Variants in CCDC34 observed in about 807,000 individuals in gnomAD.
CCDC34 encodes coiled-coil domain containing 34.
A neutral mutation model predicts 44.1 loss-of-function variants in CCDC34; 40 were observed. The observed-to-expected ratio is 0.91, with a 90% CI of 0.70 to 1.18. The LOEUF (loss-of-function observed/expected upper bound fraction) is 1.18, where lower values mean the gene tolerates loss of function less well. Ranked by LOEUF, CCDC34 falls within the 50% of genes most tolerant of loss-of-function variation. The probability of loss-of-function intolerance (pLI) is 0.00; values close to 1 mark genes in which losing one functional copy is unlikely to be tolerated. For missense variants in CCDC34, 466 were observed against 452.3 expected (o/e 1.03, Z -0.28); for synonymous variants, 159 against 158.2 (o/e 1.01, Z -0.04).
At chr11:27,350,908 A>C (rs1423868778) in intron 2 of CCDC34, among the ~76,000 whole-genome samples, 2 of 152,226 alleles carry the variant, frequency 1.3e-5, no homozygotes, top group Non-Finnish European at 2.9e-5. Context: ...GAAACCATTC[A>C]ATTTTCCTTA....
chr11:27,352,281 G>T (rs917560758), intron 2 of CCDC34, among the ~76,000 whole-genome samples: 4 of 151,984 alleles, frequency 2.6e-5, no homozygotes, highest in African/African-American at 7.3e-5. Context: ...TACTGGGGAG[G>T]CTGAGGCCGG....
Position 27,362,915 on chromosome 11 carries a change from C to T in CCDC34, c.280G>A (p.Glu94Lys). 6.3e-7 allele frequency: 1 copy of T among 1,592,106 alleles called. No homozygotes were observed. The highest frequency in any genetic ancestry group is 8.5e-7 in the Non-Finnish European group (1 of 1,175,064). ...GEDEEDVDDE[E>K]DVDEDAHDSE... Reference sequence around the variant, plus strand: ...TCATGGGCATCTTCATCCACGTCTTCCTCATCATCCACGTCTTCCTCATCC... The same window carrying T: ...TCATGGGCATCTTCATCCACGTCTTTCTCATCATCCACGTCTTCCTCATCC... The change falls in exon 1 of 6, where the codon GAA becomes AAA. Residue 94 changes from glutamate (E) to lysine (K), a missense_variant. Glu to Lys is a moderately conservative substitution (Grantham distance 56, BLOSUM62 1). Coordinates refer to ENST00000328697, the MANE Select transcript of CCDC34 (RefSeq NM_030771.2).
At chr11:27,346,484 AAGGAAG>A (rs1367567366) in intron 3 of CCDC34, among the ~76,000 whole-genome samples, 66 of 139,380 alleles carry the variant, frequency 4.7e-4, no homozygotes, top group African/African-American at 1.7e-3. Flanking sequence ...AGAAGGAAGG[AAGGAAG>A]GAAGGAAGGA....
At chr11:27,360,600 C>T (rs1450324464) in intron 1 of CCDC34, among the ~76,000 whole-genome samples, 1 of 152,160 alleles carries the variant, frequency 6.6e-6, no homozygotes, top group Non-Finnish European at 1.5e-5. Flanking sequence ...GTTGCCTGCT[C>T]TCTTCATCCT....
intron 3 of CCDC34, among the ~76,000 whole-genome samples, chr11:27,344,636 C>T (rs1382692169): frequency 1.3e-5 from 2 of 151,660 alleles, no homozygotes; most frequent in African/African-American, 2.4e-5. Context: ...TAACAAAATA[C>T]TGCTATACAT....
At chr11:27,340,007 T>G (rs1379981620) in intron 5 of CCDC34, among the ~76,000 whole-genome samples, 3 of 152,246 alleles carry the variant, frequency 2.0e-5, no homozygotes, top group Non-Finnish European at 4.4e-5. Flanking sequence ...AGAGGCCTAA[T>G]CCTGACAGCA....
rs367774299 is a variant in CCDC34, at chr11:27,340,785, T to C, written c.818A>G (p.Glu273Gly). The C allele has an allele frequency of 7.0e-5, 113 of 1,613,738 alleles. No individual in the cohort carries two copies. The highest frequency in any genetic ancestry group is 9.0e-5 in the Non-Finnish European group (106 of 1,179,858). ...TTCCAACCATTCTTGAAACTTTTTT[T>C]CTGCTATTTCCTTTTTCTCCTGTAT... ...AEIQEKKEIA[E>G]KKFQEWLENA... The change falls in exon 5 of 6, where the codon GAA becomes GGA. Residue 273 changes from glutamate (E) to glycine (G), a missense_variant. Coordinates refer to ENST00000328697, the MANE Select transcript of CCDC34 (RefSeq NM_030771.2).
At chr11:27,354,010 T>C (rs1229170322) in intron 2 of CCDC34, among the ~76,000 whole-genome samples, 1 of 152,120 alleles carries the variant, frequency 6.6e-6, no homozygotes, top group Admixed American at 6.5e-5. Flanking sequence ...ATAAACAAAT[T>C]AGGGATACAG....
intron 3 of CCDC34, among the ~76,000 whole-genome samples, chr11:27,343,460 T>G (rs1352630067): frequency 6.6e-6 from 1 of 152,104 alleles, no homozygotes; most frequent in Non-Finnish European, 1.5e-5. Flanking sequence ...AAAGTTGCTG[T>G]ATTTCCTTCT....
chr11:27,352,243 T>G (rs1040594118), intron 2 of CCDC34, among the ~76,000 whole-genome samples: 10 of 151,844 alleles, frequency 6.6e-5, no homozygotes, highest in African/African-American at 1.9e-4. Context: ...ATTAGCCAGG[T>G]GTGGTGGCAG....
intron 3 of CCDC34, among the ~76,000 whole-genome samples, chr11:27,348,692 G>C: frequency 6.6e-6 from 1 of 151,084 alleles, no homozygotes; most frequent in African/African-American, 2.4e-5. Flanking sequence ...AATGTAAACA[G>C]AGGAGAAAAA....
rs1295095125 is a variant in CCDC34 at position 27,350,574 on chromosome 11, A to G, written c.499-135T>C. 1.5e-5 allele frequency: 11 copies of G among 741,716 alleles called. No individual in the cohort carries two copies. In the South Asian group the frequency reaches 1.9e-4, roughly 13 times the overall value. 45.9% of individuals were successfully genotyped at this position (741,716 alleles called of 1,614,324 possible). On this transcript the variant is annotated intron_variant, in intron 2 of 5. Transcript: ENST00000328697. Reference sequence around the variant, plus strand: ...TATGGAGCATATGCCACTAGTGGCAATAACTTACTTAAGTAACCAGTCTAT... The same window carrying G: ...TATGGAGCATATGCCACTAGTGGCAGTAACTTACTTAAGTAACCAGTCTAT...
At chr11:27,356,572 T>A (rs1260057572) in intron 2 of CCDC34, among the ~76,000 whole-genome samples, 2 of 151,856 alleles carry the variant, frequency 1.3e-5, no homozygotes, top group African/African-American at 4.8e-5. Flanking sequence ...AGAATTCAGA[T>A]AGTCTAGATA....
intron 1 of CCDC34, among the ~76,000 whole-genome samples, chr11:27,360,813 C>A (rs1862652243): frequency 6.6e-6 from 1 of 152,218 alleles, no homozygotes; most frequent in Non-Finnish European, 1.5e-5. Context: ...CTTTTTATAA[C>A]ACAAAGTGCT....
intron 1 of CCDC34, among the ~76,000 whole-genome samples, chr11:27,359,644 ACGCCCAGC>A: frequency 6.6e-6 from 1 of 152,250 alleles, no homozygotes; most frequent in Admixed American, 6.5e-5. Context: ...GCCCGCCACT[ACGCCCAGC>A]TAAGCTATGT....
At chr11:27,343,630 C>G (rs1276554626) in intron 3 of CCDC34, among the ~76,000 whole-genome samples, 1 of 152,194 alleles carries the variant, frequency 6.6e-6, no homozygotes, top group Non-Finnish European at 1.5e-5. Context: ...TGACTCATGA[C>G]TGTCCTCCAC....
intron 3 of CCDC34, chr11:27,349,426 T>G: frequency 1.2e-6 from 1 of 831,732 alleles, no homozygotes; most frequent in Non-Finnish European, 1.4e-6. Flanking sequence ...TTCAATTTAC[T>G]GAAATTATTT....
At position 27,338,824 on chromosome 11, in the gene CCDC34, T is replaced by C; in HGVS notation, c.1119A>G (p.Arg373=). ...LCLGTLCRIQ[R] ...AGCATGTTATTTTCCACATACGCTA[T>C]CTTTGTATTCTGCACAGAGTTCCAA... The change falls in exon 6 of 6, where the codon AGA becomes AGG. Residue 373 remains arginine, a synonymous_variant. Transcript: ENST00000328697. 1.2e-5 allele frequency: 19 copies of C among 1,609,456 alleles called. No individual in the cohort carries two copies. The highest frequency in any genetic ancestry group is 1.6e-5 in the Non-Finnish European group (19 of 1,177,056).
In CCDC34 at chr11:27,340,788, G is replaced by A. The variant is rs761334029; in HGVS notation, c.815C>T (p.Ala272Val). ...CAACCATTCTTGAAACTTTTTTTCT[G>A]CTATTTCCTTTTTCTCCTGTATTTC... Reference protein sequence around the residue: ...QAEIQEKKEIAEKKFQEWLEN... With the variant: ...QAEIQEKKEIVEKKFQEWLEN... Residue 272 changes from alanine to valine, a missense_variant, in exon 5 of 6, where the codon GCA (alanine) becomes GTA (valine). By Grantham distance (64) the Ala-to-Val change is moderately conservative (BLOSUM62 0). Coordinates refer to ENST00000328697, the MANE Select transcript of CCDC34 (RefSeq NM_030771.2). 9 of 1,613,124 alleles carry A rather than the reference G, an allele frequency of 5.6e-6. No homozygotes were observed. The Admixed American group carries it at 1.5e-4, about 27-fold the overall frequency.
Sources: allele counts gnomAD v4.1 joint callset (sites outside exome capture counted in the v4.1 genomes callset), GRCh38; gene constraint gnomAD v4.1.1; transcripts MANE v1.5; gene names NCBI Gene and HGNC (gene_info 2026-07-23, HGNC 2026-07-21).